Variants in KIF6 observed in about 807,000 individuals in gnomAD.
KIF6 encodes kinesin family member 6.
A neutral mutation model predicts 112.7 loss-of-function variants in KIF6; 106 were observed. The ratio of observed to expected loss-of-function variants is 0.94; its 90% CI spans 0.80 to 1.11. KIF6 has a LOEUF of 1.11. KIF6 is among the 50% of genes least tolerant of loss of function. The pLI is 0.00. For missense variants in KIF6, 929 were observed against 964.0 expected (o/e 0.96, Z 0.48); for synonymous variants, 339 against 339.9 (o/e 1.00, Z 0.03).
At chr6:39,357,116 C>T (rs1055724448) in intron 19 of KIF6, among the ~76,000 whole-genome samples, 161 bp downstream of exon 19, 1 of 152,174 alleles carries the variant, frequency 6.6e-6, no homozygotes, top group Non-Finnish European at 1.5e-5. Context: ...ACTTGAAAGC[C>T]ACTGTCTTGA....
intron 5 of KIF6, among the ~76,000 whole-genome samples, chr6:39,631,407 G>T (rs1328782195): frequency 6.6e-6 from 1 of 151,970 alleles, no homozygotes; most frequent in Admixed American, 6.6e-5. Flanking sequence ...TTACACATTT[G>T]TTAGCTGTAG....
intron 13 of KIF6, among the ~76,000 whole-genome samples, chr6:39,464,132 G>A (rs1471211386): frequency 6.6e-6 from 1 of 152,116 alleles, no homozygotes; most frequent in Non-Finnish European, 1.5e-5. Flanking sequence ...GCTTGCAGAT[G>A]GTGGCCACAT....
chr6:39,620,156 C>T (rs1384399741), intron 5 of KIF6, among the ~76,000 whole-genome samples: 1 of 152,212 alleles, frequency 6.6e-6, no homozygotes, highest in African/African-American at 2.4e-5. Context: ...ATATCATGTT[C>T]CTTCTGATGC....
intron 3 of KIF6, among the ~76,000 whole-genome samples, chr6:39,674,336 A>G (rs1787011065): frequency 6.6e-6 from 1 of 152,234 alleles, no homozygotes; most frequent in South Asian, 2.1e-4. Context: ...GCTATAGATC[A>G]GTCGTGTAGA....
intron 3 of KIF6, among the ~76,000 whole-genome samples, chr6:39,681,566 A>G (rs1787515861): frequency 6.6e-6 from 1 of 152,096 alleles, no homozygotes; most frequent in South Asian, 2.1e-4. Flanking sequence ...TTCTTTCAAT[A>G]CTCAAATCCT....
At chr6:39,357,640 T>G (rs9349114) in intron 18 of KIF6, among the ~76,000 whole-genome samples, 151,273 of 152,144 alleles carry the variant, frequency 0.99, 75,207 homozygotes, top group East Asian at 1. Flanking sequence ...GTAGAGACGG[T>G]GTTTTGCCAT....
intron 10 of KIF6, among the ~76,000 whole-genome samples, chr6:39,556,181 TC>T (rs1273006548): frequency 6.6e-6 from 1 of 152,184 alleles, no homozygotes; most frequent in African/African-American, 2.4e-5. Flanking sequence ...TTTTTGAACT[TC>T]TTTTTTCTGT....
chr6:39,336,311 A>G lies in KIF6; in HGVS notation c.*221T>C. The G allele has an allele frequency of 3.6e-6, 2 of 559,034 alleles. No homozygotes were observed. 34.6% of individuals were successfully genotyped at this position (559,034 alleles called of 1,614,324 possible). On this transcript the variant is annotated 3_prime_UTR_variant, in exon 23 of 23. Transcript: ENST00000287152. ...GCCTGGCCCTGCCAGCAGCTCCAGC[A>G]ACCACAGGAAGGATGTTGTGGTCAG...
chr6:39,457,670 A>G (rs1773219531), intron 13 of KIF6, among the ~76,000 whole-genome samples: 1 of 152,176 alleles, frequency 6.6e-6, no homozygotes, highest in Non-Finnish European at 1.5e-5. Flanking sequence ...TAGACACGAT[A>G]AAAAATGATA....
intron 5 of KIF6, among the ~76,000 whole-genome samples, chr6:39,622,778 T>G (rs1308893491): frequency 2.0e-5 from 3 of 152,210 alleles, no homozygotes; most frequent in Non-Finnish European, 2.9e-5. Context: ...AGCAGGTGCC[T>G]GTTTCCTTCC....
intron 15 of KIF6, among the ~76,000 whole-genome samples, chr6:39,388,534 GT>G (rs201574699): frequency 1.4e-4 from 22 of 151,814 alleles, no homozygotes; most frequent in East Asian, 7.7e-4. Context: ...CACATGGCAA[GT>G]TTTTTTTTAT....
intron 16 of KIF6, among the ~76,000 whole-genome samples, chr6:39,365,210 A>AC (rs1232584586): frequency 1.3e-5 from 2 of 151,970 alleles, no homozygotes; most frequent in Non-Finnish European, 1.5e-5. Flanking sequence ...GGTGCCATTG[A>AC]CCCCCCTTTT....
intron 13 of KIF6, among the ~76,000 whole-genome samples, chr6:39,440,392 G>C (rs1367330435): frequency 1.3e-5 from 2 of 152,126 alleles, no homozygotes; most frequent in East Asian, 3.8e-4. Context: ...GTGCATACAA[G>C]AATGAGAAGC....
chr6:39,547,927 C>T, intron 10 of KIF6, among the ~76,000 whole-genome samples: 1 of 152,156 alleles, frequency 6.6e-6, no homozygotes, highest in East Asian at 1.9e-4. Context: ...GATCTACAAA[C>T]CTGACTTAAT....
At chr6:39,402,770 TC>T (rs1562179238) in intron 15 of KIF6, among the ~76,000 whole-genome samples, 1 of 152,188 alleles carries the variant, frequency 6.6e-6, no homozygotes, top group East Asian at 1.9e-4. Flanking sequence ...CTTACAGGTA[TC>T]CTGAGGCTGG....
At chr6:39,347,047 C>T (rs1303666589) in intron 19 of KIF6, among the ~76,000 whole-genome samples, 1 of 152,182 alleles carries the variant, frequency 6.6e-6, no homozygotes, top group Non-Finnish European at 1.5e-5. Flanking sequence ...CGCCAGGCTT[C>T]GTGAAAGTGC....
intron 10 of KIF6, among the ~76,000 whole-genome samples, chr6:39,562,203 C>T (rs1780044870): frequency 6.6e-6 from 1 of 152,154 alleles, no homozygotes; most frequent in African/African-American, 2.4e-5. Flanking sequence ...CATAAACTGT[C>T]TGATATTAAA....
chr6:39,455,745 C>T (rs1328448650), intron 13 of KIF6, among the ~76,000 whole-genome samples: 14 of 151,740 alleles, frequency 9.2e-5, no homozygotes, highest in South Asian at 4.2e-4. Flanking sequence ...GGAGCCGATG[C>T]GATCAGCTGA....
In KIF6 at chr6:39,629,026, A is replaced by AC. The variant is rs1191148293; in HGVS notation, c.509+5822_509+5823insG. ...TTAATAGCTAATTTTTTTCATTGCC[A>AC]AATAATATTCCCTTGTATGGATGTA... On this transcript the variant is annotated intron_variant, in intron 5 of 22. Transcript: ENST00000287152. Among the ~76,000 whole-genome samples, 9 of 152,224 alleles carry AC rather than the reference A, an allele frequency of 5.9e-5. No homozygotes were observed. In the South Asian group the frequency reaches 1.7e-3, roughly 28 times the overall value.
Sources: allele counts gnomAD v4.1 joint callset (sites outside exome capture counted in the v4.1 genomes callset), GRCh38; gene constraint gnomAD v4.1.1; transcripts MANE v1.5; gene names NCBI Gene and HGNC (gene_info 2026-07-23, HGNC 2026-07-21).